Variants in RRP12 observed in about 807,000 individuals in gnomAD.
The protein encoded by RRP12 is ribosomal RNA processing 12 homolog, also known as RRP12-like protein.
Under a neutral mutation model 157.3 loss-of-function variants are expected in RRP12, and 78 were observed. That is an observed-to-expected ratio of 0.50 (90% CI 0.41 to 0.60). RRP12 has a LOEUF of 0.60. Ranked by LOEUF, RRP12 falls within the 20% of genes least tolerant of loss-of-function variation. RRP12 has a pLI of 0.00. For synonymous variants in RRP12, 726 were observed against 670.9 expected (o/e 1.08, Z -1.27); for missense variants, 1,521 against 1,679.9 (o/e 0.91, Z 1.65).
intron 1 of RRP12, 45 bp from the exon 2 acceptor site, chr10:97,400,579 C>T: frequency 1.3e-6 from 2 of 1,523,642 alleles, no homozygotes; most frequent in East Asian, 2.3e-5. Context: ...TCCTTTTGGT[C>T]AAGAGAACAG....
intron 24 of RRP12, among the ~76,000 whole-genome samples, 199 bp from the exon 25 acceptor site, chr10:97,369,781 C>G (rs1178660488): frequency 6.6e-6 from 1 of 152,240 alleles, no homozygotes; most frequent in Non-Finnish European, 1.5e-5. Flanking sequence ...CTATTTCTTG[C>G]TTCCATTTTA....
intron 29 of RRP12, 151 bp downstream of exon 29, chr10:97,365,957 T>C: frequency 1.0e-6 from 1 of 956,452 alleles, no homozygotes; most frequent in Middle Eastern, 2.4e-4. Flanking sequence ...TCTTAATGTT[T>C]CTCAAAAAAA....
rs372390865 is a variant in RRP12 at position 97,380,966 on chromosome 10, C to A, written c.1419-53G>T. On this transcript the variant is annotated intron_variant, in intron 12 of 33. Transcript: ENST00000370992. The stretch of plus-strand genomic sequence containing the variant: ...CACGGTCACACCACCCTGTGCCCCC[C>A]ACCAGAGAAAGTCAACGGCCAGCAC... 25 of 1,443,680 alleles carry A rather than the reference C, an allele frequency of 1.7e-5. No homozygotes were observed. The African/African-American group carries it at 2.0e-4, about 11-fold the overall frequency. The allele number at this position is 1,443,680 out of a possible 1,614,324, so 89.4% of individuals were successfully genotyped here.
chr10:97,366,881 C>T lies in RRP12; in HGVS notation c.3076G>A (p.Glu1026Lys), dbSNP rs768281593. The change falls in exon 27 of 34, where the codon GAG (glutamate) becomes AAG (lysine). Residue 1026 changes from glutamate to lysine, a missense_variant. Physicochemically the swap from Glu to Lys is moderately conservative, Grantham distance 56. Coordinates refer to ENST00000370992, the MANE Select transcript of RRP12 (RefSeq NM_015179.4). Reference sequence around the variant, plus strand: ...TTGACCAGGACTCTGTGGTACTCCTCGGGCAACAGCCTTTTCACCAGCTCA... The same window carrying T: ...TTGACCAGGACTCTGTGGTACTCCTTGGGCAACAGCCTTTTCACCAGCTCA... ...GFELVKRLLP[E>K]EYHRVLVNIR... 17 of 1,613,870 alleles carry T rather than the reference C, an allele frequency of 1.1e-5. No homozygotes were observed. The South Asian group carries it at 1.4e-4, about 14-fold the overall frequency.
chr10:97,399,000 G>A (rs1368522226), intron 2 of RRP12, among the ~76,000 whole-genome samples: 2 of 152,150 alleles, frequency 1.3e-5, no homozygotes, highest in African/African-American at 2.4e-5. Flanking sequence ...TGGGCCGGGC[G>A]CAGTGGCTCA....
At position 97,356,865 on chromosome 10, in the gene RRP12, C is replaced by T. The variant is rs1375924539; in HGVS notation, c.*229G>A. The T allele has an allele frequency of 2.1e-6, 1 of 476,180 alleles. No homozygotes were observed. The highest frequency in any genetic ancestry group is 2.0e-5 in the African/African-American group (1 of 49,560). 29.5% of individuals were successfully genotyped at this position (476,180 alleles called of 1,614,324 possible). A position where few individuals can be genotyped will look rare whatever the true frequency, so the allele number is the denominator to read the frequency against. Reference sequence around the variant, plus strand: ...GCAAAGGTGCCTCATGGCACCTACTCAGAGGCACTGAGGCCACATTCCCAT... The same window carrying T: ...GCAAAGGTGCCTCATGGCACCTACTTAGAGGCACTGAGGCCACATTCCCAT... On this transcript the variant is annotated 3_prime_UTR_variant, in exon 34 of 34. Transcript: ENST00000370992.
Position 97,393,676 on chromosome 10 carries a change from G to C in RRP12, c.530+8C>G, listed in dbSNP as rs767342753. The C allele has an allele frequency of 1.1e-5, 17 of 1,613,082 alleles. No individual in the cohort carries two copies. In the Admixed American group the frequency reaches 2.5e-4, roughly 24 times the overall value. On this transcript the variant is annotated splice_region_variant and intron_variant, in intron 4 of 33. Coordinates refer to ENST00000370992, the MANE Select transcript of RRP12 (RefSeq NM_015179.4). The stretch of plus-strand genomic sequence containing the variant: ...AGCCTTGGGGTTCAAACAGGAGGCA[G>C]AACTCACCGCTTCAGGACAAGGTTC...
intron 2 of RRP12, 24 bp downstream of exon 2, chr10:97,400,281 G>C: frequency 6.3e-7 from 1 of 1,576,374 alleles, no homozygotes; most frequent in South Asian, 1.1e-5. Flanking sequence ...ACTATCCTAT[G>C]GCCCTCCCGA....
intron 31 of RRP12, among the ~76,000 whole-genome samples, chr10:97,359,369 C>T (rs890730605): frequency 4.6e-5 from 7 of 152,380 alleles, no homozygotes; most frequent in African/African-American, 1.7e-4. Context: ...CTGCCACTTA[C>T]AGCTCCAACC....
chr10:97,364,018 A>G, intron 29 of RRP12, 115 bp from the exon 30 acceptor site: 1 of 873,388 alleles, frequency 1.1e-6, no homozygotes, highest in Non-Finnish European at 2.0e-6. Context: ...CGGCCCCAGA[A>G]AATTGCCTTC....
chr10:97,360,497 C>G, intron 31 of RRP12, 49 bp downstream of exon 31: 2 of 1,450,034 alleles, frequency 1.4e-6, no homozygotes, highest in Non-Finnish European at 1.9e-6. Flanking sequence ...CTCCCTAATG[C>G]AGGTGACAGG....
In RRP12 at chr10:97,373,140, A is replaced by G. The variant is rs887732035; in HGVS notation, c.2087T>C (p.Leu696Pro). Reference protein sequence around the residue: ...AKNFLPILFNLYGQPVAAGDT... With the variant: ...AKNFLPILFNPYGQPVAAGDT... ...CCCGGCTGCCACGGGCTGCCCATAC[A>G]GGTTGAAGAGGATCGGCAGAAAGTT... Residue 696 changes from leucine (L) to proline (P), a missense_variant, in exon 18 of 34, where the codon CTG becomes CCG. By Grantham distance (98) the Leu-to-Pro change is moderately conservative. Transcript: ENST00000370992. 1 of 1,614,134 alleles carries G rather than the reference A, an allele frequency of 6.2e-7. No individual in the cohort carries two copies. The highest frequency in any genetic ancestry group is 8.5e-7 in the Non-Finnish European group (1 of 1,180,020).
chr10:97,366,491 C>G lies in RRP12; in HGVS notation c.3346G>C (p.Glu1116Gln), dbSNP rs1019065607. 2 of 1,613,764 alleles carry G rather than the reference C, an allele frequency of 1.2e-6. No individual in the cohort carries two copies. Among genetic ancestry groups the G allele is most frequent in the Non-Finnish European group, 1.7e-6 (2 of 1,179,954 alleles). ...RAWLKEGGGD[E>Q]PLNFLDPKVA... ...TTGGGATCCAGGAAGTTGAGGGGCT[C>G]GTCCCCACCGCCCTCTTTCAGCCAT... Residue 1116 changes from glutamate to glutamine, a missense_variant, in exon 28 of 34, where the codon GAG becomes CAG. Physicochemically the swap from Glu to Gln is conservative, Grantham distance 29. Transcript: ENST00000370992.
In RRP12 at chr10:97,395,850, CAAAA is replaced by C. The variant is rs548342202; in HGVS notation, c.453+364_453+367del. On this transcript the variant is annotated intron_variant, in intron 3 of 33. Coordinates refer to ENST00000370992, the MANE Select transcript of RRP12 (RefSeq NM_015179.4). ...TGGGCGACAGTGTGAGACTCCGCCT[CAAAA>C]AAAAAAAAAAAAAAAGTAATAAGTA... Among the ~76,000 whole-genome samples, 304 of 105,354 alleles carry C rather than the reference CAAAA, an allele frequency of 2.9e-3. 2 individuals are homozygous for C. Among genetic ancestry groups the C allele is most frequent in the African/African-American group, 6.9e-3 (214 of 31,126 alleles). 69.1% of individuals were successfully genotyped at this position (105,354 alleles called of 152,430 possible).
chr10:97,365,137 G>C (rs2133036014), intron 29 of RRP12, among the ~76,000 whole-genome samples: 1 of 152,282 alleles, frequency 6.6e-6, no homozygotes, highest in South Asian at 2.1e-4. Flanking sequence ...AGCGGCTGCA[G>C]TCGTGTGGCT....
rs763410188 is a variant in RRP12 at position 97,366,126 on chromosome 10, C to A, written c.3499G>T (p.Glu1167Ter). 1.2e-6 allele frequency: 2 copies of A among 1,604,740 alleles called. No homozygotes were observed. The highest frequency in any genetic ancestry group is 1.7e-6 in the Non-Finnish European group (2 of 1,179,916). The change falls in exon 29 of 34, where the codon GAA becomes TAA. Residue 1167 changes from glutamate to a stop codon, truncating the protein, a stop_gained. Coordinates refer to ENST00000370992, the MANE Select transcript of RRP12 (RefSeq NM_015179.4). LOFTEE classifies it high-confidence loss of function. Reference sequence around the variant, plus strand: ...GGCCCACCTTTGGCACCTTCCTCTTCCTCCATCTTGTTGCCGTCTGCCTCC... The same window carrying A: ...GGCCCACCTTTGGCACCTTCCTCTTACTCCATCTTGTTGCCGTCTGCCTCC... ...REEADGNKMEEEEGAKGEDEE... is the reference protein window; with the variant it reads ...REEADGNKME
rs550307322 is a variant in RRP12, at chr10:97,390,854, A to G, written c.531-10T>C. On this transcript the variant is annotated splice_polypyrimidine_tract_variant and intron_variant, in intron 4 of 33. Coordinates refer to ENST00000370992, the MANE Select transcript of RRP12 (RefSeq NM_015179.4). ...CACAGGGCTGGGAACACTGTGGGAAAGAACAGAGATGGTCACCCCAGAGGG... is the reference window on the plus strand; with the variant it reads ...CACAGGGCTGGGAACACTGTGGGAAGGAACAGAGATGGTCACCCCAGAGGG... 7.6e-6 allele frequency: 12 copies of G among 1,570,382 alleles called. No individual in the cohort carries two copies. The East Asian group carries it at 2.0e-4, about 26-fold the overall frequency.
chr10:97,380,951 C>G lies in RRP12; in HGVS notation c.1419-38G>C, dbSNP rs1844450783. ...CGGCACAGTCAGGGCCACGGTCACA[C>G]CACCCTGTGCCCCCCACCAGAGAAA... On this transcript the variant is annotated intron_variant, in intron 12 of 33. Transcript: ENST00000370992. 2.0e-6 allele frequency: 3 copies of G among 1,476,830 alleles called. No homozygotes were observed. In the African/African-American group the frequency reaches 4.2e-5, roughly 20 times the overall value. 91.5% of individuals were successfully genotyped at this position (1,476,830 alleles called of 1,614,324 possible).
chr10:97,371,166 A>T (rs1844142898), intron 20 of RRP12, 85 bp from the exon 21 acceptor site: 2 of 1,432,444 alleles, frequency 1.4e-6, no homozygotes, highest in South Asian at 2.5e-5. Context: ...CACTGGAGGG[A>T]TTCTGAGCAG....
Sources: allele counts gnomAD v4.1 joint callset (sites outside exome capture counted in the v4.1 genomes callset), GRCh38; gene constraint gnomAD v4.1.1; transcripts MANE v1.5; gene names NCBI Gene and HGNC (gene_info 2026-07-23, HGNC 2026-07-21).